PELI2: variants seen among roughly 807,000 people sequenced by gnomAD.
PELI2 encodes pellino E3 ubiquitin protein ligase family member 2, also known as E3 ubiquitin-protein ligase pellino homolog 2.
PELI2 carries 23 observed loss-of-function variants against 42.3 expected under a neutral mutation model. The observed-to-expected ratio is 0.54, with a 90% CI of 0.39 to 0.77. The LOEUF (loss-of-function observed/expected upper bound fraction) is 0.77. Ranked by LOEUF, PELI2 falls within the 30% of genes least tolerant of loss-of-function variation. The pLI is 0.00. For synonymous variants in PELI2, 245 were observed against 212.2 expected (o/e 1.15, Z -1.34); for missense variants, 463 against 553.2 (o/e 0.84, Z 1.64).
At chr14:56,191,555 G>T (rs1885948901) in intron 2 of PELI2, among the ~76,000 whole-genome samples, 1 of 152,184 alleles carries the variant, frequency 6.6e-6, no homozygotes, top group Non-Finnish European at 1.5e-5. Context: ...AGCAGGTTCA[G>T]ATCAGGTTGT....
intron 2 of PELI2, among the ~76,000 whole-genome samples, chr14:56,242,418 TA>T (rs929984405): frequency 6.6e-6 from 1 of 152,174 alleles, no homozygotes; most frequent in Non-Finnish European, 1.5e-5. Context: ...TCTCATCATG[TA>T]AAATAGGAGG....
chr14:56,261,048 T>C (rs1259824485), intron 2 of PELI2, among the ~76,000 whole-genome samples: 1 of 151,710 alleles, frequency 6.6e-6, no homozygotes, highest in African/African-American at 2.4e-5. Flanking sequence ...TTTTTTTTTT[T>C]CTTAAATGTT....
intron 1 of PELI2, among the ~76,000 whole-genome samples, chr14:56,122,596 G>T (rs1883102274): frequency 8.2e-6 from 1 of 121,660 alleles, no homozygotes. Context: ...CATTTTGCAA[G>T]ACTTTTTTTT....
At chr14:56,227,348 G>T (rs1342849207) in intron 2 of PELI2, among the ~76,000 whole-genome samples, 1 of 152,232 alleles carries the variant, frequency 6.6e-6, no homozygotes, top group Non-Finnish European at 1.5e-5. Context: ...CCCCACTGGG[G>T]CTGGGCCTGG....
At chr14:56,252,584 G>T (rs1888384633) in intron 2 of PELI2, among the ~76,000 whole-genome samples, 1 of 152,168 alleles carries the variant, frequency 6.6e-6, no homozygotes, top group African/African-American at 2.4e-5. Context: ...TTAAGGAGCA[G>T]GAAGTTTAGT....
At position 56,273,415 on chromosome 14, in the gene PELI2, C is replaced by G. The variant is rs941658093; in HGVS notation, c.208-6261C>G. Among the ~76,000 whole-genome samples, 8 of 152,166 alleles carry G rather than the reference C, an allele frequency of 5.3e-5. No individual in the cohort carries two copies. Among genetic ancestry groups the G allele is most frequent in the African/African-American group, 1.4e-4 (6 of 41,432 alleles). ...ATTGAGCAAGCTACTGAAGCCAGCC[C>G]AGATGCCAGATGATACATGATGATT... On this transcript the variant is annotated intron_variant, in intron 2 of 5. Coordinates refer to ENST00000267460, the MANE Select transcript of PELI2 (RefSeq NM_021255.3). The surrounding 1 kb of genome is among the most constrained non-coding windows in gnomAD (Gnocchi z 4.3).
intron 2 of PELI2, among the ~76,000 whole-genome samples, chr14:56,249,828 T>G (rs1212569945): frequency 6.6e-6 from 1 of 152,180 alleles, no homozygotes; most frequent in African/African-American, 2.4e-5. Flanking sequence ...GTGCCCTGAC[T>G]CAGTCACTGA....
chr14:56,133,615 C>G (rs1883575595), intron 1 of PELI2, among the ~76,000 whole-genome samples: 1 of 152,204 alleles, frequency 6.6e-6, no homozygotes, highest in South Asian at 2.1e-4. Context: ...ATGTAACTTT[C>G]TTCTTTTTCT....
intron 2 of PELI2, 96 bp downstream of exon 2, chr14:56,178,560 A>G (rs965388112): frequency 7.3e-7 from 1 of 1,365,874 alleles, no homozygotes; most frequent in Non-Finnish European, 1.0e-6. Flanking sequence ...CTTTTCATGT[A>G]GGACAGTCTC....
intron 1 of PELI2, among the ~76,000 whole-genome samples, chr14:56,123,179 T>G (rs1454396129): frequency 6.8e-6 from 1 of 146,428 alleles, no homozygotes; most frequent in Non-Finnish European, 1.5e-5. Context: ...TTTATGGTCT[T>G]TTTTTTTTTT....
intron 1 of PELI2, among the ~76,000 whole-genome samples, chr14:56,171,196 GT>G (rs1885155326): frequency 6.6e-6 from 1 of 152,196 alleles, no homozygotes; most frequent in African/African-American, 2.4e-5. Context: ...CAATGCAACA[GT>G]GTTGAGAGGC....
At chr14:56,189,923 C>T (rs1263125976) in intron 2 of PELI2, among the ~76,000 whole-genome samples, 1 of 152,186 alleles carries the variant, frequency 6.6e-6, no homozygotes, top group Non-Finnish European at 1.5e-5. Context: ...CCTTTCGTCA[C>T]AGGAGAATGT....
intron 2 of PELI2, among the ~76,000 whole-genome samples, chr14:56,202,644 G>C (rs1334170303): frequency 6.6e-6 from 1 of 152,192 alleles, no homozygotes; most frequent in Non-Finnish European, 1.5e-5. Flanking sequence ...GGGGAAGGGT[G>C]GGACTCAAGA....
chr14:56,261,275 A>G (rs780935180), intron 2 of PELI2, among the ~76,000 whole-genome samples: 7 of 152,096 alleles, frequency 4.6e-5, no homozygotes, highest in African/African-American at 7.2e-5. Context: ...ACTCATTTCT[A>G]TTGCTTGATC....
intron 2 of PELI2, among the ~76,000 whole-genome samples, chr14:56,214,420 G>A (rs1886825326): frequency 6.6e-6 from 1 of 152,168 alleles, no homozygotes; most frequent in South Asian, 2.1e-4. Context: ...AGGAAGTATT[G>A]TTTAGAATAT....
intron 2 of PELI2, among the ~76,000 whole-genome samples, chr14:56,183,259 CAG>C (rs1466963988): frequency 6.6e-6 from 1 of 151,978 alleles, no homozygotes; most frequent in East Asian, 1.9e-4. Flanking sequence ...TAATAAAACA[CAG>C]TTAAGAATAT....
intron 5 of PELI2, among the ~76,000 whole-genome samples, chr14:56,292,544 T>G (rs1016405588): frequency 6.6e-6 from 1 of 152,216 alleles, no homozygotes; most frequent in Non-Finnish European, 1.5e-5. Flanking sequence ...TACAGAAATA[T>G]GAGAAATAAA....
At chr14:56,128,482 G>T (rs1883361511) in intron 1 of PELI2, among the ~76,000 whole-genome samples, 1 of 152,170 alleles carries the variant, frequency 6.6e-6, no homozygotes. Context: ...GGTCCTTGTG[G>T]CTCTCTTGCT....
In PELI2 at chr14:56,197,134, A is replaced by G. The variant is rs1171595639; in HGVS notation, c.207+18670A>G. Among the ~76,000 whole-genome samples the G allele has an allele frequency of 6.6e-6, 1 of 152,228 alleles. No homozygotes were observed. Among genetic ancestry groups the G allele is most frequent in the African/African-American group, 2.4e-5 (1 of 41,462 alleles). ...GAGTTAAGACAAACATGGTCCCTGC[A>G]CAAATGGAGGTTGTAGGGTCAGAGG... On this transcript the variant is annotated intron_variant, in intron 2 of 5. Coordinates refer to ENST00000267460, the MANE Select transcript of PELI2 (RefSeq NM_021255.3). The surrounding 1 kb of genome is among the most constrained non-coding windows in gnomAD (Gnocchi z 4.9).
Sources: allele counts gnomAD v4.1 joint callset (sites outside exome capture counted in the v4.1 genomes callset), GRCh38; gene constraint gnomAD v4.1.1; non-coding constraint Gnocchi (gnomAD v3.1); transcripts MANE v1.5; gene names NCBI Gene and HGNC (gene_info 2026-07-23, HGNC 2026-07-21).